The following EPHA3 variants were observed in gnomAD, a reference collection of about 807,000 sequenced individuals.
The protein encoded by EPHA3 is EPH receptor A3.
In EPHA3, 42 loss-of-function variants were observed where a neutral mutation model predicts 107.1. The observed-to-expected ratio is 0.39, with a 90% CI of 0.31 to 0.51. The LOEUF (loss-of-function observed/expected upper bound fraction) is 0.51, where lower values mean the gene tolerates loss of function less well. EPHA3 is among the 20% of genes least tolerant of loss of function. EPHA3 has a pLI of 0.78. For missense variants in EPHA3, 1,183 were observed against 1,211.2 expected, an observed-to-expected ratio of 0.98 and a Z score of 0.35; for synonymous variants, 461 against 424.8, an observed-to-expected ratio of 1.09 and a Z score of -1.05.
chr3:89,313,797 C>T (rs1218456443), intron 3 of EPHA3, among the ~76,000 whole-genome samples: 2 of 152,002 alleles, frequency 1.3e-5, no homozygotes, highest in Admixed American at 6.6e-5. Flanking sequence ...ATTATCACTT[C>T]CCCATTACAC....
At chr3:89,205,397 A>G (rs1331406560) in intron 2 of EPHA3, among the ~76,000 whole-genome samples, 2 of 152,214 alleles carry the variant, frequency 1.3e-5, no homozygotes, top group African/African-American at 4.8e-5. Context: ...TGTGCTATCT[A>G]GAAAATATAA....
At chr3:89,184,014 T>C (rs1705503947) in intron 2 of EPHA3, among the ~76,000 whole-genome samples, 1 of 152,080 alleles carries the variant, frequency 6.6e-6, no homozygotes, top group Admixed American at 6.6e-5. Context: ...TATTTTGTGT[T>C]TTTTTTAAGG....
At chr3:89,407,453 G>A in intron 8 of EPHA3, 82 bp downstream of exon 8, 1 of 1,101,320 alleles carries the variant, frequency 9.1e-7, no homozygotes, top group Non-Finnish European at 1.4e-6. Flanking sequence ...TGTGAAGAGT[G>A]TGCTCAATAA....
intron 2 of EPHA3, among the ~76,000 whole-genome samples, chr3:89,181,003 C>T (rs1705431583): frequency 6.6e-6 from 1 of 151,930 alleles, no homozygotes; most frequent in Admixed American, 6.6e-5. Context: ...ATTTTCCATA[C>T]TCCAACACAT....
At chr3:89,198,511 T>C (rs1705898046) in intron 2 of EPHA3, among the ~76,000 whole-genome samples, 1 of 152,110 alleles carries the variant, frequency 6.6e-6, no homozygotes, top group African/African-American at 2.4e-5. Flanking sequence ...GGATAAAAGA[T>C]TAAACATGTT....
intron 2 of EPHA3, among the ~76,000 whole-genome samples, chr3:89,173,005 G>C (rs1224622399): frequency 6.6e-6 from 1 of 151,984 alleles, no homozygotes; most frequent in Non-Finnish European, 1.5e-5. Flanking sequence ...ATTCAAAAAA[G>C]TTAATATTTT....
At chr3:89,363,571 GA>G (rs1708136666) in intron 5 of EPHA3, among the ~76,000 whole-genome samples, 1 of 150,738 alleles carries the variant, frequency 6.6e-6, no homozygotes, top group Non-Finnish European at 1.5e-5. Context: ...AATATCATCT[GA>G]AAAACACCTT....
chr3:89,262,392 C>T (rs186252604), intron 3 of EPHA3, among the ~76,000 whole-genome samples: 38 of 152,246 alleles, frequency 2.5e-4, no homozygotes, highest in African/African-American at 9.1e-4. Context: ...TTTCCTTTGC[C>T]TCTTTCTAGC....
At chr3:89,313,102 G>T (rs1706805529) in intron 3 of EPHA3, among the ~76,000 whole-genome samples, 1 of 151,838 alleles carries the variant, frequency 6.6e-6, no homozygotes, top group Admixed American at 6.6e-5. Flanking sequence ...TATATACCCA[G>T]ATATTATTAT....
rs527540581 is a variant in EPHA3 at position 89,408,862 on chromosome 3, A to G, written c.1762+731A>G. Among the ~76,000 whole-genome samples, 41 of 152,194 alleles carry G rather than the reference A, an allele frequency of 2.7e-4. No individual in the cohort carries two copies. The South Asian group carries it at 8.1e-3, about 30-fold the overall frequency. On this transcript the variant is annotated intron_variant, in intron 9 of 16. Transcript: ENST00000336596. ...TAGTACAAAGACTGTACTCATGCTT[A>G]TGTGCTCCAAAATAATCTCAATATA...
At chr3:89,117,730 C>G (rs1217285703) in intron 1 of EPHA3, among the ~76,000 whole-genome samples, 4 of 151,752 alleles carry the variant, frequency 2.6e-5, no homozygotes, top group African/African-American at 7.3e-5. Flanking sequence ...GAATTACAAA[C>G]AGGTGATGTG....
At chr3:89,170,514 A>G (rs1705186421) in intron 2 of EPHA3, among the ~76,000 whole-genome samples, 1 of 152,146 alleles carries the variant, frequency 6.6e-6, no homozygotes, top group Non-Finnish European at 1.5e-5. Flanking sequence ...TGGAATGCAC[A>G]CAACTTGGCT....
chr3:89,156,022 A>G (rs1704798153), intron 2 of EPHA3, among the ~76,000 whole-genome samples: 1 of 152,086 alleles, frequency 6.6e-6, no homozygotes, highest in African/African-American at 2.4e-5. Flanking sequence ...CAGTGTGGTG[A>G]TTGTTAAACT....
At chr3:89,279,278 C>A (rs1382736395) in intron 3 of EPHA3, among the ~76,000 whole-genome samples, 1 of 151,910 alleles carries the variant, frequency 6.6e-6, no homozygotes, top group African/African-American at 2.4e-5. Context: ...GAAAGAAAGT[C>A]TTTTCTTTTA....
chr3:89,373,067 C>T (rs1459450303), intron 5 of EPHA3, among the ~76,000 whole-genome samples: 1 of 151,684 alleles, frequency 6.6e-6, no homozygotes, highest in Non-Finnish European at 1.5e-5. Flanking sequence ...TTTTTACTTA[C>T]TAATTTAATT....
chr3:89,246,944 A>C (rs1705047850), intron 3 of EPHA3, among the ~76,000 whole-genome samples: 1 of 152,178 alleles, frequency 6.6e-6, no homozygotes, highest in Non-Finnish European at 1.5e-5. Flanking sequence ...GATGCTTTAT[A>C]CAGAACAAGA....
chr3:89,114,750 G>A (rs894851036), intron 1 of EPHA3, among the ~76,000 whole-genome samples: 2 of 152,214 alleles, frequency 1.3e-5, no homozygotes, highest in Non-Finnish European at 2.9e-5. Context: ...GGAGACTGGA[G>A]CGCGCGAGAG....
chr3:89,149,071 A>G (rs1295345209), intron 2 of EPHA3, among the ~76,000 whole-genome samples: 1 of 151,968 alleles, frequency 6.6e-6, no homozygotes, highest in Non-Finnish European at 1.5e-5. Context: ...AGACAGAAAA[A>G]TGGGAGCATG....
intron 2 of EPHA3, among the ~76,000 whole-genome samples, chr3:89,130,251 A>G (rs1243387487): frequency 6.6e-6 from 1 of 152,210 alleles, no homozygotes; most frequent in African/African-American, 2.4e-5. Flanking sequence ...GGCTAAATTG[A>G]GAAACTCTTA....
Sources: gnomAD v4.1 joint callset for allele counts (sites outside exome capture counted in the v4.1 genomes callset) on GRCh38, gnomAD v4.1.1 for gene constraint, MANE v1.5 for transcripts, NCBI Gene and HGNC (gene_info 2026-07-23, HGNC 2026-07-21) for gene names.